Variants in ASTL observed in about 807,000 individuals in gnomAD.
The protein encoded by ASTL is astacin-like metalloendopeptidase.
In ASTL, 27 loss-of-function variants were observed where a neutral mutation model predicts 36.7. That is an observed-to-expected ratio of 0.73 (90% CI 0.54 to 1.01). The LOEUF (loss-of-function observed/expected upper bound fraction) is 1.01. Among genes scored for constraint, ASTL ranks in the 50% least tolerant of loss-of-function variants. The pLI, the probability that ASTL is intolerant of heterozygous loss-of-function variation, is 0.00. For missense variants in ASTL, 524 were observed against 572.8 expected, an observed-to-expected ratio of 0.91 and a Z score of 0.87; for synonymous variants, 222 against 228.1, an observed-to-expected ratio of 0.97 and a Z score of 0.24.
chr2:96,130,151 A>G lies in ASTL; in HGVS notation c.638-6T>C, dbSNP rs1338084510. 2.5e-6 allele frequency: 4 copies of G among 1,610,742 alleles called. No homozygotes were observed. The East Asian group carries it at 8.9e-5, about 36-fold the overall frequency. On this transcript the variant is annotated splice_region_variant and splice_polypyrimidine_tract_variant and intron_variant, in intron 6 of 8. Transcript: ENST00000342380. ...GATGAAGTTGATTTCAAAGCCTAAA[A>G]ATACAAAAACAATACAACTTACTGA...
Position 96,123,773 on chromosome 2 carries a change from A to G in ASTL, c.*77T>C, listed in dbSNP as rs1682004898. 2 of 1,263,470 alleles carry G rather than the reference A, an allele frequency of 1.6e-6. No individual in the cohort carries two copies. The highest frequency in any genetic ancestry group is 2.7e-5 in the South Asian group (2 of 74,106). 78.3% of individuals were successfully genotyped at this position (1,263,470 alleles called of 1,614,324 possible). On this transcript the variant is annotated 3_prime_UTR_variant, in exon 9 of 9. Transcript: ENST00000342380. ...GGGCTGGAAGACAGTGGTGTGGCCCAAAGGAGCCAAGAGGTAGACGACCCA... is the reference window on the plus strand; with the variant it reads ...GGGCTGGAAGACAGTGGTGTGGCCCGAAGGAGCCAAGAGGTAGACGACCCA...
At chr2:96,126,654 G>C (rs892812898) in intron 8 of ASTL, among the ~76,000 whole-genome samples, 20 of 151,966 alleles carry the variant, frequency 1.3e-4, no homozygotes, top group African/African-American at 4.4e-4. Context: ...TCAGGAGTTC[G>C]AGACCAGCCT....
chr2:96,134,409 T>C (rs1364571911), intron 3 of ASTL, among the ~76,000 whole-genome samples: 1 of 152,180 alleles, frequency 6.6e-6, no homozygotes, highest in Non-Finnish European at 1.5e-5. Flanking sequence ...ACAGTGCCCC[T>C]TCCAGAGGGG....
Position 96,124,393 on chromosome 2 carries a change from C to T in ASTL, c.875-122G>A. ...TGCCCACCCATGCCACGGCCTAGTG[C>T]ATCCAAGACCCAGATTCCCACCCTA... is the stretch of plus-strand genomic sequence containing the variant. On this transcript the variant is annotated intron_variant, in intron 8 of 8. Transcript: ENST00000342380. This position sits in a 1 kb window ranked among gnomAD's most constrained non-coding sequence, Gnocchi z 4.1. 1 of 809,602 alleles carries T rather than the reference C, an allele frequency of 1.2e-6. No individual in the cohort carries two copies. The highest frequency in any genetic ancestry group is 1.8e-6 in the Non-Finnish European group (1 of 561,508). 50.2% of individuals were successfully genotyped at this position (809,602 alleles called of 1,614,324 possible).
At chr2:96,137,473 G>T in intron 2 of ASTL, 102 bp downstream of exon 2, 1 of 1,373,880 alleles carries the variant, frequency 7.3e-7, no homozygotes, top group Non-Finnish European at 1.0e-6. Flanking sequence ...GAGTAAGCTG[G>T]TCCATTTCCT....
chr2:96,129,968 T>C lies in ASTL; in HGVS notation c.730A>G (p.Ser244Gly). ...SVMHYGRLAF[S>G]RRGLPTITPL... ...GTGATGGTGGGCAGCCCACGCCGGC[T>C]GAAGGCGAGCCTGGAACCCAGCGGG... The change falls in exon 8 of 9, where the codon AGC (serine) becomes GGC (glycine). Residue 244 changes from serine to glycine, a missense_variant. By Grantham distance (56) the Ser-to-Gly change is moderately conservative (BLOSUM62 0). Coordinates refer to ENST00000342380, the MANE Select transcript of ASTL (RefSeq NM_001002036.4). 3.1e-6 allele frequency: 5 copies of C among 1,603,712 alleles called. No homozygotes were observed. The highest frequency in any genetic ancestry group is 4.3e-6 in the Non-Finnish European group (5 of 1,171,752).
rs1682327386 is a variant in ASTL at position 96,137,576 on chromosome 2, T to G, written c.180A>C (p.Gln60His). Residue 60 changes from glutamine (Q) to histidine (H), a missense_variant and splice_region_variant, in exon 2 of 9, where the codon CAA (glutamine) becomes CAC (histidine). By Grantham distance (24) the Gln-to-His change is conservative. Transcript: ENST00000342380. ...SGDKDIPAIN[Q>H]GLILEETPES... ...CGTGAGAAGATGTAGTGCCCTCACC[T>G]TGGTTAATTGCAGGAATGTCCTTGT... 6.2e-7 allele frequency: 1 copy of G among 1,613,410 alleles called. No individual in the cohort carries two copies. Among genetic ancestry groups the G allele is most frequent in the Non-Finnish European group, 8.5e-7 (1 of 1,179,468 alleles).
chr2:96,130,954 C>T (rs775332461), intron 6 of ASTL, among the ~76,000 whole-genome samples: 8 of 152,208 alleles, frequency 5.3e-5, no homozygotes, highest in Non-Finnish European at 7.3e-5. Context: ...TTCCCACCTC[C>T]CCGCCCCACA....
In ASTL at chr2:96,132,562, G is replaced by A; in HGVS notation, c.615C>T (p.Val205=). 6.2e-7 allele frequency: 1 copy of A among 1,603,876 alleles called. No homozygotes were observed. Among genetic ancestry groups the A allele is most frequent in the East Asian group, 2.2e-5 (1 of 44,566 alleles). Residue 205 remains valine, a synonymous_variant, in exon 6 of 9, where the codon GTC becomes GTT. Transcript: ENST00000342380. The surrounding 1 kb of genome is among the most constrained non-coding windows in gnomAD (Gnocchi z 5.4). ...CACCTGGCAGGATCTCGTTCCAGTT[G>A]ACACGGATATAGCGGTCCCGGTCGG... The part of the protein sequence containing the change: ...TRADRDRYIR[V]NWNEILPGFE...
At chr2:96,133,292 A>C (rs1573914889) in intron 5 of ASTL, 133 bp downstream of exon 5, 1 of 732,890 alleles carries the variant, frequency 1.4e-6, no homozygotes, top group East Asian at 2.5e-5. Context: ...CACACTTGGC[A>C]GACCCCTCAG....
intron 2 of ASTL, among the ~76,000 whole-genome samples, chr2:96,137,176 G>A (rs1682319181): frequency 6.6e-6 from 1 of 152,172 alleles, no homozygotes; most frequent in African/African-American, 2.4e-5. Flanking sequence ...CCTGCAGACA[G>A]TCCTGCACAG....
Position 96,132,820 on chromosome 2 carries a change from A to C in ASTL, c.456-99T>G. 4 of 1,102,098 alleles carry C rather than the reference A, an allele frequency of 3.6e-6. No individual in the cohort carries two copies. The highest frequency in any genetic ancestry group is 1.8e-5 in the South Asian group (1 of 55,886). 68.3% of individuals were successfully genotyped at this position (1,102,098 alleles called of 1,614,324 possible). A position where few individuals can be genotyped will look rare whatever the true frequency, so the allele number is the denominator to read the frequency against. Reference sequence around the variant, plus strand: ...TCCCCACACAACACAAGATAGACAAACTCCCAACAGGCAGGCCCCACTCTG... The same window carrying C: ...TCCCCACACAACACAAGATAGACAACCTCCCAACAGGCAGGCCCCACTCTG... On this transcript the variant is annotated intron_variant, in intron 5 of 8. Coordinates refer to ENST00000342380, the MANE Select transcript of ASTL (RefSeq NM_001002036.4). This position sits in a 1 kb window ranked among gnomAD's most constrained non-coding sequence, Gnocchi z 5.4.
intron 1 of ASTL, 156 bp from the exon 2 acceptor site, chr2:96,137,856 C>T: frequency 1.4e-6 from 1 of 700,730 alleles, no homozygotes; most frequent in East Asian, 2.8e-5. Context: ...TTCCCAGCCT[C>T]CCTGCTCAAC....
rs372563533 is a variant in ASTL, at chr2:96,137,666, G to A, written c.90C>T (p.Cys30=). The A allele has an allele frequency of 2.0e-5, 33 of 1,613,510 alleles. No homozygotes were observed. Among genetic ancestry groups the A allele is most frequent in the African/African-American group, 5.3e-5 (4 of 74,902 alleles). The change falls in exon 2 of 9, where the codon TGC becomes TGT. Residue 30 remains cysteine (C), a synonymous_variant. Transcript: ENST00000342380. ...VILGAPLASS[C]AGACGTSFPD... ...GGAAGCTGGTACCACAGGCTCCTGC[G>A]CAGCTGGAGGCCAGGGGCGCTCCTA...
At chr2:96,129,481 C>T (rs1333942006) in intron 8 of ASTL, among the ~76,000 whole-genome samples, 1 of 152,126 alleles carries the variant, frequency 6.6e-6, no homozygotes. Context: ...TACCTCGGTG[C>T]CCAGGACCTC....
In ASTL at chr2:96,124,053, T is replaced by A. The variant is rs776635886; in HGVS notation, c.1093A>T (p.Thr365Ser). 71 of 1,613,642 alleles carry A rather than the reference T, an allele frequency of 4.4e-5. No homozygotes were observed. Among genetic ancestry groups the A allele is most frequent in the Non-Finnish European group, 8.5e-7 (1 of 1,179,896 alleles). ...SAEASARQPQ[T>S]LASSPRSRPG... The stretch of plus-strand genomic sequence containing the variant: ...CTTGATCTTGGGGAGGAAGCTAGGG[T>A]CTGAGGCTGCCTTGCCGAGGCCTCT... The change falls in exon 9 of 9, where the codon ACC becomes TCC. Residue 365 changes from threonine to serine, a missense_variant. By Grantham distance (58) the Thr-to-Ser change is moderately conservative (BLOSUM62 1). Transcript: ENST00000342380. The surrounding 1 kb of genome is among the most constrained non-coding windows in gnomAD (Gnocchi z 4.1).
chr2:96,133,340 G>A, intron 5 of ASTL, 85 bp downstream of exon 5: 5 of 992,670 alleles, frequency 5.0e-6, no homozygotes, highest in Non-Finnish European at 8.1e-6. Flanking sequence ...GATGGGCCCA[G>A]GAATACATTT....
intron 3 of ASTL, among the ~76,000 whole-genome samples, chr2:96,134,349 G>A (rs1463201919): frequency 6.6e-6 from 1 of 152,248 alleles, no homozygotes; most frequent in East Asian, 1.9e-4. Flanking sequence ...GCACCCCAGG[G>A]TGCCCTGAAT....
Position 96,123,234 on chromosome 2 carries a change from T to C in ASTL, c.*616A>G, listed in dbSNP as rs1681993036. 1.3e-5 allele frequency among the ~76,000 whole-genome samples: 2 copies of C among 152,220 alleles called. No homozygotes were observed. Among genetic ancestry groups the C allele is most frequent in the Admixed American group, 1.3e-4 (2 of 15,286 alleles). On this transcript the variant is annotated 3_prime_UTR_variant, in exon 9 of 9. Coordinates refer to ENST00000342380, the MANE Select transcript of ASTL (RefSeq NM_001002036.4). ...CAGCTGAGGTTCCCATTGTGCAATC[T>C]GGTGGGGCCCCACTTCTTTCTCGTC...
Sources: gnomAD v4.1 joint callset for allele counts (sites outside exome capture counted in the v4.1 genomes callset) on GRCh38, gnomAD v4.1.1 for gene constraint, Gnocchi (gnomAD v3.1) non-coding constraint, MANE v1.5 for transcripts, NCBI Gene and HGNC (gene_info 2026-07-23, HGNC 2026-07-21) for gene names.